ATP11C: variants seen among roughly 807,000 people sequenced by gnomAD.
ATP11C encodes the protein ATPase phospholipid transporting 11C (ATP11C blood group).
In ATP11C, 36 loss-of-function variants were observed where a neutral mutation model predicts 97.4. That is an observed-to-expected ratio of 0.37 (90% CI 0.28 to 0.49). The LOEUF (loss-of-function observed/expected upper bound fraction) is 0.49. Among genes scored for constraint, ATP11C ranks in the 20% least tolerant of loss-of-function variants. ATP11C has a pLI of 0.98. For synonymous variants in ATP11C, 275 were observed against 290.9 expected (o/e 0.95, Z 0.56); for missense variants, 730 against 824.6 (o/e 0.89, Z 1.40).
chrX:139,769,281 C>CATATATATATATATATATATATAT (rs55984113), intron 19 of ATP11C, among the ~76,000 whole-genome samples: 7 of 28,076 alleles, frequency 2.5e-4, no homozygotes, highest in East Asian at 2.1e-3. Flanking sequence ...GGCAAACATA[C>CATATATATATATATATATATATAT]ATATATATAT....
chrX:139,729,502 T>C (rs1372736916), intron 29 of ATP11C, among the ~76,000 whole-genome samples: 2 of 111,492 alleles, frequency 1.8e-5, no homozygotes, highest in Non-Finnish European at 3.8e-5. Flanking sequence ...AAGAAGCATA[T>C]TTCCCCCCTA....
intron 1 of ATP11C, among the ~76,000 whole-genome samples, chrX:139,880,216 G>A (rs1289214553): frequency 9.0e-6 from 1 of 111,485 alleles, no homozygotes; most frequent in Non-Finnish European, 1.9e-5. Flanking sequence ...TAAGAAGAAT[G>A]AAATAAACCC....
chrX:139,862,519 T>C (rs927997020), intron 1 of ATP11C, among the ~76,000 whole-genome samples: 4 of 111,829 alleles, frequency 3.6e-5, no homozygotes, highest in Admixed American at 9.5e-5. Context: ...GCTTAGTGTA[T>C]TGGAAAAAAT....
At chrX:139,770,592 T>C (rs1017226384) in intron 19 of ATP11C, among the ~76,000 whole-genome samples, 1 of 109,668 alleles carries the variant, frequency 9.1e-6, no homozygotes, top group African/African-American at 3.3e-5. Flanking sequence ...ACCTCTGATG[T>C]GGGTGGGGCA....
At chrX:139,797,362 G>C in intron 10 of ATP11C, 36 bp from the exon 11 acceptor site, 2 of 1,054,654 alleles carry the variant, frequency 1.9e-6, no homozygotes, top group Non-Finnish European at 2.6e-6. Context: ...TAAAACCAAA[G>C]ACATCAGTCA....
intron 1 of ATP11C, among the ~76,000 whole-genome samples, chrX:139,876,327 T>A (rs893386912): frequency 8.9e-6 from 1 of 112,211 alleles, no homozygotes; most frequent in Non-Finnish European, 1.9e-5. Flanking sequence ...AAAATCACTA[T>A]CTCTAGAAGC....
intron 18 of ATP11C, among the ~76,000 whole-genome samples, chrX:139,775,928 C>T (rs756879351): frequency 4.0e-4 from 45 of 112,789 alleles, no homozygotes; most frequent in African/African-American, 1.4e-3. Context: ...TACTCCAACC[C>T]GCTCTGACTT....
At chrX:139,817,738 G>A (rs955110845) in intron 3 of ATP11C, among the ~76,000 whole-genome samples, 2 of 111,794 alleles carry the variant, frequency 1.8e-5, no homozygotes, top group Non-Finnish European at 3.8e-5. Context: ...TAGTGTTAGC[G>A]GCAGGCATGG....
chrX:139,841,355 G>T (rs1402827157), intron 1 of ATP11C, among the ~76,000 whole-genome samples: 2 of 112,129 alleles, frequency 1.8e-5, no homozygotes, highest in East Asian at 5.6e-4. Context: ...CCACACACTT[G>T]AATTTTTATA....
At chrX:139,779,274 C>T (rs1426722913) in intron 18 of ATP11C, among the ~76,000 whole-genome samples, 1 of 112,111 alleles carries the variant, frequency 8.9e-6, no homozygotes, top group Non-Finnish European at 1.9e-5. Context: ...TCAACAACTG[C>T]GGAACATACA....
In ATP11C at chrX:139,804,487, C is replaced by A; in HGVS notation, c.539G>T (p.Gly180Val). 1 of 1,203,927 alleles carries A rather than the reference C, an allele frequency of 8.3e-7. No individual in the cohort carries two copies. The highest frequency in any genetic ancestry group is 1.1e-6 in the Non-Finnish European group (1 of 891,077). ...TCYVTTASLD[G>V]ESNCKTHYAV... ...GTCTGTTACCTTGCAATTGGATTCC[C>A]CATCAAGACTGGCTGTAGTGACATA... The change falls in exon 6 of 30, where the codon GGG (glycine) becomes GTG (valine). Residue 180 changes from glycine to valine, a missense_variant. Physicochemically the swap from Gly to Val is moderately radical, Grantham distance 109 (BLOSUM62 -3). Transcript: ENST00000682941.
chrX:139,933,649 T>C (rs1406752472), upstream of ATP11C, among the ~76,000 whole-genome samples: 1 of 111,243 alleles, frequency 9.0e-6, no homozygotes, highest in Non-Finnish European at 1.9e-5. Flanking sequence ...CTTACACGAG[T>C]CTTCCGCCTC....
intron 1 of ATP11C, among the ~76,000 whole-genome samples, chrX:139,856,687 G>GA (rs1159673918): frequency 1.8e-5 from 2 of 112,275 alleles, no homozygotes; most frequent in African/African-American, 3.2e-5. Context: ...TTTAAAGCCC[G>GA]AAATCAAATA....
chrX:139,887,486 G>A (rs1021522932), intron 1 of ATP11C, among the ~76,000 whole-genome samples: 2 of 110,547 alleles, frequency 1.8e-5, no homozygotes, highest in African/African-American at 6.6e-5. Context: ...AAATTAGCTG[G>A]GCATGGTGGT....
Position 139,820,519 on chromosome X carries a change from G to A in ATP11C, c.148-1092C>T, listed in dbSNP as rs185409083. 3.4e-3 allele frequency among the ~76,000 whole-genome samples: 378 copies of A among 111,338 alleles called. 3 individuals carry two copies. Among genetic ancestry groups the A allele is most frequent in the African/African-American group, 0.012 (356 of 30,615 alleles). ...TGATGATCATAACAGATACCCCTATGAGTCACTCTGTCCCTATGAGTACCT... is the reference window on the plus strand; with the variant it reads ...TGATGATCATAACAGATACCCCTATAAGTCACTCTGTCCCTATGAGTACCT... On this transcript the variant is annotated intron_variant, in intron 2 of 29. Coordinates refer to ENST00000682941, the MANE Select transcript of ATP11C (RefSeq NM_001353812.2).
At chrX:139,802,385 TTCA>T (rs1412860955) in intron 6 of ATP11C, 46 bp from the exon 7 acceptor site, 5 of 850,195 alleles carry the variant, frequency 5.9e-6, no homozygotes, top group Non-Finnish European at 8.7e-6. Flanking sequence ...AAACTTTCTT[TTCA>T]TAATCATACA....
intron 1 of ATP11C, among the ~76,000 whole-genome samples, chrX:139,879,109 AAAAAC>A (rs1169346778): frequency 2.7e-5 from 3 of 110,864 alleles, no homozygotes; most frequent in Non-Finnish European, 3.8e-5. Context: ...ACCTCATGTC[AAAAAC>A]AAAACAAAAC....
chrX:139,752,302 T>TAC (rs1467832632), intron 23 of ATP11C, among the ~76,000 whole-genome samples: 1 of 111,867 alleles, frequency 8.9e-6, no homozygotes, highest in African/African-American at 3.3e-5. Flanking sequence ...ACCCTATCAC[T>TAC]ACACACTGCA....
At chrX:139,901,064 T>C (rs2084892378) in intron 1 of ATP11C, among the ~76,000 whole-genome samples, 1 of 110,992 alleles carries the variant, frequency 9.0e-6, no homozygotes, top group Non-Finnish European at 1.9e-5. Context: ...TTTCTAACAG[T>C]GATGAAAGAA....
Sources: allele counts gnomAD v4.1 joint callset (sites outside exome capture counted in the v4.1 genomes callset), GRCh38; gene constraint gnomAD v4.1.1; transcripts MANE v1.5; gene names NCBI Gene and HGNC (gene_info 2026-07-23, HGNC 2026-07-21).